The following TSC1 variants were observed in gnomAD, a reference collection of about 807,000 sequenced individuals.
The protein encoded by TSC1 is TSC complex subunit 1.
TSC1 carries 20 observed loss-of-function variants against 124.3 expected under a neutral mutation model. The observed-to-expected ratio is 0.16, with a 90% CI of 0.11 to 0.23. The LOEUF (loss-of-function observed/expected upper bound fraction) is 0.23, where lower values mean the gene tolerates loss of function less well. TSC1 is among the 10% of genes least tolerant of loss of function. The pLI is 1.00. For missense variants in TSC1, 1,124 were observed against 1,448.5 expected, an observed-to-expected ratio of 0.78 and a Z score of 3.64; for synonymous variants, 493 against 539.1, an observed-to-expected ratio of 0.91 and a Z score of 1.19.
rs1185727887 is a variant in TSC1 at position 132,906,707 on chromosome 9, T to C, written c.1438+24A>G. 1.3e-6 allele frequency: 2 copies of C among 1,589,992 alleles called. No homozygotes were observed. Among genetic ancestry groups the C allele is most frequent in the Admixed American group, 1.7e-5 (1 of 59,336 alleles). On this transcript the variant is annotated intron_variant, in intron 14 of 22. Coordinates refer to ENST00000298552, the MANE Select transcript of TSC1 (RefSeq NM_000368.5). This position sits in a 1 kb window ranked among gnomAD's most constrained non-coding sequence, Gnocchi z 4.1. ...AGAGCGAGGGTCAGGTTTTATCAAC[T>C]CATAGCAATCCCACATACATTACCT... is the stretch of plus-strand genomic sequence containing the variant.
intron 2 of TSC1, among the ~76,000 whole-genome samples, chr9:132,932,809 C>T (rs779411256): frequency 3.9e-5 from 6 of 152,196 alleles, no homozygotes; most frequent in East Asian, 1.9e-4. Context: ...CTGACGGTCT[C>T]GCAGATATCT....
intron 20 of TSC1, among the ~76,000 whole-genome samples, chr9:132,898,613 G>A (rs1423314475): frequency 6.6e-6 from 1 of 152,202 alleles, no homozygotes; most frequent in Non-Finnish European, 1.5e-5. Context: ...AGCACAGGGT[G>A]GATGAACGCA....
intron 20 of TSC1, chr9:132,900,494 G>T (rs767861653): frequency 2.2e-5 from 13 of 600,118 alleles, no homozygotes; most frequent in South Asian, 5.3e-5. Context: ...CTACCATTAG[G>T]TGCTTTCAGT....
intron 8 of TSC1, among the ~76,000 whole-genome samples, chr9:132,917,932 T>C (rs1017298201): frequency 2.0e-5 from 3 of 152,232 alleles, no homozygotes; most frequent in Non-Finnish European, 4.4e-5. Flanking sequence ...TCTATCATTA[T>C]GGTTTTGTTC....
rs2131638537 is a variant in TSC1 at position 132,897,581 on chromosome 9, C to G, written c.2655G>C (p.Arg885=). ...KEVEMMKAAY[R]KELEKNRSHV... Reference sequence around the variant, plus strand: ...GGCTTCTGTTTTTTTCTAGCTCTTTCCGATAGGCGGCTTTCATCATTTCTA... The same window carrying G: ...GGCTTCTGTTTTTTTCTAGCTCTTTGCGATAGGCGGCTTTCATCATTTCTA... Residue 885 remains arginine, a synonymous_variant, in exon 21 of 23, where the codon CGG becomes CGC. Transcript: ENST00000298552. The G allele has an allele frequency of 6.3e-7, 1 of 1,582,142 alleles. No individual in the cohort carries two copies.
At chr9:132,898,384 C>T (rs906170461) in intron 20 of TSC1, among the ~76,000 whole-genome samples, 4 of 152,090 alleles carry the variant, frequency 2.6e-5, no homozygotes, top group Non-Finnish European at 4.4e-5. Context: ...GTATGTTTAC[C>T]GTGGTAAAAT....
At chr9:132,907,821 C>T (rs1845752014) in intron 12 of TSC1, among the ~76,000 whole-genome samples, 1 of 152,172 alleles carries the variant, frequency 6.6e-6, no homozygotes. Flanking sequence ...GCGTGGTGGC[C>T]CACGCCTGTA....
At chr9:132,936,489 G>T (rs1847463708) in intron 1 of TSC1, among the ~76,000 whole-genome samples, 1 of 152,190 alleles carries the variant, frequency 6.6e-6, no homozygotes, top group Non-Finnish European at 1.5e-5. Flanking sequence ...CTACAAAAGA[G>T]ACATAAAATG....
In TSC1 at chr9:132,897,233, T is replaced by C. The variant is rs796053448; in HGVS notation, c.2926A>G (p.Lys976Glu). 5 of 1,614,202 alleles carry C rather than the reference T, an allele frequency of 3.1e-6. No individual in the cohort carries two copies. The African/African-American group carries it at 6.7e-5, about 22-fold the overall frequency. Residue 976 changes from lysine (K) to glutamate (E), a missense_variant, in exon 22 of 23, where the codon AAA (lysine) becomes GAA (glutamate). Lys to Glu is a moderately conservative substitution (Grantham distance 56). Transcript: ENST00000298552. ...YGRLEKDGLL[K>E]KLEEEKAEAA... ...TCTGCTTTTTCTTCTTCAAGTTTTT[T>C]CAGGAGGCCATCTTTCTCCAACCTG...
rs777732621 is a variant in TSC1 at position 132,903,644 on chromosome 9, T to C, written c.2208+7A>G. 2.2e-5 allele frequency: 36 copies of C among 1,611,970 alleles called. No individual in the cohort carries two copies. The highest frequency in any genetic ancestry group is 3.1e-5 in the Non-Finnish European group (36 of 1,179,856). ...CAAGCTCCACCTGTCCCCTCCCCAG[T>C]CCTCACCATGGCAGCATTATGTTCC... On this transcript the variant is annotated splice_region_variant and intron_variant, in intron 17 of 22. Transcript: ENST00000298552. The surrounding 1 kb of genome is among the most constrained non-coding windows in gnomAD (Gnocchi z 5.9).
At position 132,902,594 on chromosome 9, in the gene TSC1, G is replaced by A. The variant is rs2131727383; in HGVS notation, c.2391+11C>T. On this transcript the variant is annotated intron_variant, in intron 18 of 22. Transcript: ENST00000298552. The surrounding 1 kb of genome is among the most constrained non-coding windows in gnomAD (Gnocchi z 5.2). ...CTCGCAGTTGGCTTTGCCTGGTGCT[G>A]CAGTTTATACCTGTAATTCCTGGCT... The A allele has an allele frequency of 1.2e-6, 2 of 1,613,662 alleles. No homozygotes were observed. The highest frequency in any genetic ancestry group is 1.7e-6 in the Non-Finnish European group (2 of 1,180,012).
intron 12 of TSC1, among the ~76,000 whole-genome samples, chr9:132,907,755 G>A (rs2131890134): frequency 6.6e-6 from 1 of 152,260 alleles, no homozygotes; most frequent in African/African-American, 2.4e-5. Context: ...CTCCCAAAGT[G>A]CTGGGACCAC....
At chr9:132,910,248 C>T in intron 12 of TSC1, 1 of 576,344 alleles carries the variant, frequency 1.7e-6, no homozygotes, top group Non-Finnish European at 3.1e-6. Flanking sequence ...CTGCAGTGAG[C>T]CATGATCGTG....
At chr9:132,911,269 A>G in intron 10 of TSC1, 156 bp from the exon 11 acceptor site, 2 of 818,274 alleles carry the variant, frequency 2.4e-6, no homozygotes, top group East Asian at 5.2e-5. Flanking sequence ...GCATTTTGTA[A>G]ATCAAGACTT....
At chr9:132,924,413 T>TA (rs1846739359) in intron 5 of TSC1, among the ~76,000 whole-genome samples, 1 of 152,212 alleles carries the variant, frequency 6.6e-6, no homozygotes, top group South Asian at 2.1e-4. Flanking sequence ...AAGAATAATA[T>TA]ATTGGTAGGA....
chr9:132,929,030 C>A, intron 2 of TSC1, 78 bp from the exon 3 acceptor site: 4 of 1,288,056 alleles, frequency 3.1e-6, no homozygotes, highest in Non-Finnish European at 4.2e-6. Flanking sequence ...GCAAGACAAA[C>A]TAATGCACGT....
At chr9:132,897,122 C>T (rs1845111137) in intron 22 of TSC1, 62 bp downstream of exon 22, 3 of 1,610,836 alleles carry the variant, frequency 1.9e-6, no homozygotes, top group Non-Finnish European at 2.5e-6. Context: ...CCACGTGACA[C>T]AGTCCTTATG....
chr9:132,913,731 CAGG>C (rs1045096697), intron 8 of TSC1, among the ~76,000 whole-genome samples: 6 of 146,200 alleles, frequency 4.1e-5, no homozygotes, highest in African/African-American at 1.5e-4. Context: ...GAGGCTGAGG[CAGG>C]AGAATGGCGT....
rs1196269790 is a variant in TSC1, at chr9:132,895,210, T to C, written c.*1025A>G. The C allele has an allele frequency of 8.6e-6, 2 of 233,140 alleles. No individual in the cohort carries two copies. Among genetic ancestry groups the C allele is most frequent in the Non-Finnish European group, 1.7e-5 (2 of 117,802 alleles). The allele number at this position is 233,140 out of a possible 1,614,324, so 14.4% of individuals were successfully genotyped here. A position where few individuals can be genotyped will look rare whatever the true frequency, so the allele number is the denominator to read the frequency against. On this transcript the variant is annotated 3_prime_UTR_variant, in exon 23 of 23. Coordinates refer to ENST00000298552, the MANE Select transcript of TSC1 (RefSeq NM_000368.5). ...ACCCTAATGGCCTGGGAAATGATGG[T>C]CACATACACTTTGCAGAAACTCTTT...
Sources: gnomAD v4.1 joint callset for allele counts (sites outside exome capture counted in the v4.1 genomes callset) on GRCh38, gnomAD v4.1.1 for gene constraint, Gnocchi (gnomAD v3.1) non-coding constraint, MANE v1.5 for transcripts, NCBI Gene and HGNC (gene_info 2026-07-23, HGNC 2026-07-21) for gene names.